SGO1: variants seen among roughly 807,000 people sequenced by gnomAD.
SGO1 encodes the protein shugoshin 1.
In SGO1, 39 loss-of-function variants were observed where a neutral mutation model predicts 50.5. The observed-to-expected ratio is 0.77, with a 90% CI of 0.60 to 1.01. The LOEUF (loss-of-function observed/expected upper bound fraction) is 1.01, where lower values mean the gene tolerates loss of function less well. Among genes scored for constraint, SGO1 ranks in the 50% least tolerant of loss-of-function variants. SGO1 has a pLI of 0.00. For missense variants in SGO1, 638 were observed against 606.0 expected, an observed-to-expected ratio of 1.05 and a Z score of -0.55; for synonymous variants, 191 against 205.1, an observed-to-expected ratio of 0.93 and a Z score of 0.59.
At chr3:20,184,410 C>T (rs551800348) in intron 1 of SGO1, among the ~76,000 whole-genome samples, 62 of 152,242 alleles carry the variant, frequency 4.1e-4, no homozygotes, top group African/African-American at 1.4e-3. Flanking sequence ...ATGTTTAGGA[C>T]CAACTTTTAC....
chr3:20,184,078 A>C, intron 1 of SGO1, 44 bp from the exon 2 acceptor site: 3 of 1,466,292 alleles, frequency 2.0e-6, no homozygotes, highest in Non-Finnish European at 2.7e-6. Context: ...ATATTATCAA[A>C]TATAAAACTT....
chr3:20,181,128 G>A (rs560138529), intron 3 of SGO1, among the ~76,000 whole-genome samples: 2 of 152,312 alleles, frequency 1.3e-5, no homozygotes, highest in South Asian at 4.1e-4. Context: ...CTGCACCCCA[G>A]GCTGGGTAAG....
chr3:20,178,919 T>C (rs567849711), intron 3 of SGO1, among the ~76,000 whole-genome samples: 1 of 152,298 alleles, frequency 6.6e-6, no homozygotes, highest in African/African-American at 2.4e-5. Context: ...AGAAAGGAAG[T>C]AAACTGATTT....
Position 20,174,371 on chromosome 3 carries a change from T to A in SGO1, c.1160A>T (p.Lys387Met), listed in dbSNP as rs145134729. Residue 387 changes from lysine to methionine, a missense_variant, in exon 6 of 8, where the codon AAG becomes ATG. Coordinates refer to ENST00000412997, the MANE Select transcript of SGO1 (RefSeq NM_001199251.3). ...ATTGCTCGTGGGATTCTGAATGTAC[T>A]TGCAAGTGGGCAAATAGAGGTCATC... is the stretch of plus-strand genomic sequence containing the variant. Reference protein sequence around the residue: ...DSDDLYLPTCKYIQNPTSNSD... With the variant: ...DSDDLYLPTCMYIQNPTSNSD... 6.2e-7 allele frequency: 1 copy of A among 1,614,070 alleles called. No homozygotes were observed. Among genetic ancestry groups the A allele is most frequent in the Non-Finnish European group, 8.5e-7 (1 of 1,180,036 alleles).
At chr3:20,179,850 C>A (rs1182329052) in intron 3 of SGO1, among the ~76,000 whole-genome samples, 1 of 152,154 alleles carries the variant, frequency 6.6e-6, no homozygotes, top group Non-Finnish European at 1.5e-5. Flanking sequence ...ACTAAGAGAT[C>A]AAAGTATGTC....
intron 6 of SGO1, among the ~76,000 whole-genome samples, chr3:20,173,054 C>T (rs1195499430): frequency 6.6e-6 from 1 of 151,966 alleles, no homozygotes; most frequent in Non-Finnish European, 1.5e-5. Flanking sequence ...GTATAATAAA[C>T]TCTGAGTTAC....
intron 8 of SGO1, chr3:20,161,288 T>A (rs1023851956): frequency 7.1e-7 from 1 of 1,410,420 alleles, no homozygotes; most frequent in Non-Finnish European, 9.3e-7. Flanking sequence ...TCCACAGATT[T>A]TATTCAGAAG....
intron 5 of SGO1, 57 bp from the exon 6 acceptor site, chr3:20,175,112 T>A: frequency 7.4e-7 from 1 of 1,359,084 alleles, no homozygotes; most frequent in Admixed American, 2.9e-5. Context: ...AATTTGAATT[T>A]CAAGAACTTT....
intron 3 of SGO1, 127 bp downstream of exon 3, chr3:20,183,481 G>A (rs761200945): frequency 1.3e-6 from 1 of 788,200 alleles, no homozygotes; most frequent in East Asian, 2.8e-5. Context: ...GAGCACTAAA[G>A]AAGGATGTTT....
intron 1 of SGO1, among the ~76,000 whole-genome samples, chr3:20,184,401 T>C (rs1702385908): frequency 6.6e-6 from 1 of 152,190 alleles, no homozygotes; most frequent in East Asian, 1.9e-4. Context: ...TTATAGAAAA[T>C]GTTTAGGACC....
At chr3:20,168,529 T>C (rs79968304), downstream of SGO1, among the ~76,000 whole-genome samples, 19,065 of 151,964 alleles carry the variant, frequency 0.13, 1,486 homozygotes, top group Admixed American at 0.17. Context: ...ATAGTCCAAC[T>C]GTACTTTCTG....
chr3:20,175,723 C>T (rs1701310712), intron 5 of SGO1, among the ~76,000 whole-genome samples: 1 of 151,444 alleles, frequency 6.6e-6, no homozygotes, highest in Non-Finnish European at 1.5e-5. Context: ...GGCGTGAACC[C>T]AGGAGGCAGA....
chr3:20,174,598 CTCTTTA>C lies in SGO1; in HGVS notation c.927_932del (p.Tyr309_Glu311delinsTer). On this transcript the variant is annotated stop_gained and inframe_deletion, in exon 6 of 8. Coordinates refer to ENST00000412997, the MANE Select transcript of SGO1 (RefSeq NM_001199251.3). LOFTEE classifies it high-confidence loss of function. ...CAGTTTTTTTATTTTCGCTTTTATT[CTCTTTA>C]TATTTTGACATACGTTTTGATTTTC... The C allele has an allele frequency of 6.2e-7, 1 of 1,600,046 alleles. No individual in the cohort carries two copies. The highest frequency in any genetic ancestry group is 8.5e-7 in the Non-Finnish European group (1 of 1,175,186).
Position 20,178,189 on chromosome 3 carries a change from A to T in SGO1, c.416+82T>A, listed in dbSNP as rs902334135. On this transcript the variant is annotated intron_variant, in intron 4 of 7. Transcript: ENST00000412997. ...GACTACAAATATAAGAGTTGACATG[A>T]TGCACATTTCCTTTCATAAATGAAT... 28 of 953,162 alleles carry T rather than the reference A, an allele frequency of 2.9e-5. No homozygotes were observed. In the South Asian group the frequency reaches 3.0e-4, roughly 10 times the overall value. The allele number at this position is 953,162 out of a possible 1,614,324, so 59.0% of individuals were successfully genotyped here. A position where few individuals can be genotyped will look rare whatever the true frequency, so the allele number is the denominator to read the frequency against.
intron 1 of SGO1, among the ~76,000 whole-genome samples, chr3:20,185,108 T>A (rs956556577): frequency 1.3e-5 from 2 of 152,214 alleles, no homozygotes; most frequent in African/African-American, 4.8e-5. Context: ...GTATTGTAGA[T>A]ACCACTTAAG....
intron 8 of SGO1, among the ~76,000 whole-genome samples, chr3:20,161,845 T>C (rs1482546502): frequency 6.6e-6 from 1 of 152,232 alleles, no homozygotes; most frequent in Non-Finnish European, 1.5e-5. Flanking sequence ...TCCTCTACTA[T>C]GGGACTTGTT....
chr3:20,172,542 G>A (rs915207504), intron 6 of SGO1, among the ~76,000 whole-genome samples: 8 of 151,176 alleles, frequency 5.3e-5, no homozygotes, highest in Non-Finnish European at 7.4e-5. Flanking sequence ...CTGACTCCAC[G>A]GTATGGGGTA....
chr3:20,184,158 G>C (rs2125397704), intron 1 of SGO1, 124 bp from the exon 2 acceptor site: 1 of 614,212 alleles, frequency 1.6e-6, no homozygotes, highest in Non-Finnish European at 2.5e-6. Context: ...AAAGTAGATA[G>C]TTAACCAACT....
At chr3:20,185,431 C>G (rs781645990) in intron 1 of SGO1, among the ~76,000 whole-genome samples, 2 of 152,106 alleles carry the variant, frequency 1.3e-5, no homozygotes, top group Non-Finnish European at 2.9e-5. Flanking sequence ...GTGTGGTAGA[C>G]AGAAGGGATG....
Sources: allele counts gnomAD v4.1 joint callset (sites outside exome capture counted in the v4.1 genomes callset), GRCh38; gene constraint gnomAD v4.1.1; transcripts MANE v1.5; gene names NCBI Gene and HGNC (gene_info 2026-07-23, HGNC 2026-07-21).